HMCN1: variants seen among roughly 807,000 people sequenced by gnomAD.
The protein encoded by HMCN1 is hemicentin-1.
HMCN1 carries 321 observed loss-of-function variants against 625.9 expected under a neutral mutation model. The observed-to-expected ratio is 0.51, with a 90% CI of 0.47 to 0.56. The LOEUF is 0.56. Ranked by LOEUF, HMCN1 falls within the 20% of genes least tolerant of loss-of-function variation. The probability of loss-of-function intolerance (pLI) is 0.00; values close to 1 mark genes in which losing one functional copy is unlikely to be tolerated. For synonymous variants in HMCN1, 2,425 were observed against 2,417.6 expected, an observed-to-expected ratio of 1.00 and a Z score of -0.09; for missense variants, 6,588 against 6,887.3, an observed-to-expected ratio of 0.96 and a Z score of 1.54.
chr1:186,108,467 C>G lies in HMCN1; in HGVS notation c.10859C>G (p.Pro3620Arg). 6.2e-7 allele frequency: 1 copy of G among 1,614,054 alleles called. No homozygotes were observed. Among genetic ancestry groups the G allele is most frequent in the Non-Finnish European group, 8.5e-7 (1 of 1,179,984 alleles). Residue 3620 changes from proline to arginine, a missense_variant, in exon 71 of 107, where the codon CCT becomes CGT. Physicochemically the swap from Pro to Arg is moderately radical, Grantham distance 103 (BLOSUM62 -2). Around this residue, in one of 3 missense-constraint regions of HMCN1, gnomAD observed 4,628 missense variants for 4,853.1 expected, o/e 0.95. Coordinates refer to ENST00000271588, the MANE Select transcript of HMCN1 (RefSeq NM_031935.3). Reference protein sequence around the residue: ...KEYLVRVHVPPNIAGTDEPRD... With the variant: ...KEYLVRVHVPRNIAGTDEPRD... Reference sequence around the variant, plus strand: ...TATTTGTTCTCACACCCAGTACCTCCTAATATTGCTGGAACTGATGAGCCC... The same window carrying G: ...TATTTGTTCTCACACCCAGTACCTCGTAATATTGCTGGAACTGATGAGCCC...
intron 20 of HMCN1, among the ~76,000 whole-genome samples, chr1:185,989,208 C>CTT (rs560394336): frequency 6.6e-6 from 1 of 151,642 alleles, no homozygotes; most frequent in Non-Finnish European, 1.5e-5. Context: ...GGGGTTTCAC[C>CTT]GTGGTCTCGA....
At chr1:185,803,023 A>G (rs1184855832) in intron 1 of HMCN1, among the ~76,000 whole-genome samples, 1 of 152,056 alleles carries the variant, frequency 6.6e-6, no homozygotes, top group Non-Finnish European at 1.5e-5. Context: ...CTCCTACTGC[A>G]TATTTTTTCT....
At position 186,097,469 on chromosome 1, in the gene HMCN1, ATCC is replaced by A. The variant is rs369957651; in HGVS notation, c.10573+1951_10573+1953del. Among the ~76,000 whole-genome samples, 127 of 151,698 alleles carry A rather than the reference ATCC, an allele frequency of 8.4e-4. 4 individuals carry two copies. In the South Asian group the frequency reaches 0.026, roughly 31 times the overall value. On this transcript the variant is annotated intron_variant, in intron 68 of 106. Transcript: ENST00000271588. ...GGTATTCACAGAGGGTCTGGAACCA[ATCC>A]TCTGCAGAGACTGAGGTACAATAGC...
intron 1 of HMCN1, among the ~76,000 whole-genome samples, chr1:185,743,982 G>T (rs1309732086): frequency 1.2e-3 from 108 of 88,120 alleles, no homozygotes; most frequent in East Asian, 8.1e-3. Context: ...TTACTGTTTT[G>T]TTTTTTTTTT....
At chr1:185,933,971 T>G in intron 11 of HMCN1, 147 bp downstream of exon 11, 2 of 764,616 alleles carry the variant, frequency 2.6e-6, no homozygotes, top group South Asian at 1.5e-5. Context: ...ACATACTCAG[T>G]GGTCTACAGC....
intron 4 of HMCN1, among the ~76,000 whole-genome samples, chr1:185,873,063 T>C (rs945072451): frequency 1.3e-5 from 2 of 152,102 alleles, no homozygotes; most frequent in Non-Finnish European, 2.9e-5. Context: ...TACTTAAGGG[T>C]AAACACTAGC....
chr1:185,992,779 T>C (rs765282852), intron 22 of HMCN1, among the ~76,000 whole-genome samples: 11 of 152,178 alleles, frequency 7.2e-5, no homozygotes, highest in Non-Finnish European at 1.3e-4. Flanking sequence ...AGCTGCATTA[T>C]TACTCAATAG....
At chr1:186,114,153 A>AT in intron 73 of HMCN1, 30 bp downstream of exon 73, 1 of 1,612,622 alleles carries the variant, frequency 6.2e-7, no homozygotes, top group Non-Finnish European at 8.5e-7. Context: ...AAAAAATGCT[A>AT]TAAGACCTGA....
At chr1:186,154,304 G>C (rs1188263211) in intron 97 of HMCN1, among the ~76,000 whole-genome samples, 1 of 152,190 alleles carries the variant, frequency 6.6e-6, no homozygotes, top group African/African-American at 2.4e-5. Context: ...CACTTTGGGA[G>C]GCCGAGGCAG....
At position 186,145,454 on chromosome 1, in the gene HMCN1, G is replaced by C; in HGVS notation, c.14318G>C (p.Cys4773Ser). ...GGCTGGGGAACATGCAGCCGGACGT[G>C]TAACGGAGGGCAGATGCGGCGGTAC... ...WSGWGTCSRT[C>S]NGGQMRRYRT... Residue 4773 changes from cysteine to serine, a missense_variant, in exon 92 of 107, where the codon TGT becomes TCT. By Grantham distance (112) the Cys-to-Ser change is moderately radical. Around this residue, in one of 3 missense-constraint regions of HMCN1, gnomAD observed 1,954 missense variants for 2,013.1 expected, o/e 0.97. Transcript: ENST00000271588. 10 of 1,607,134 alleles carry C rather than the reference G, an allele frequency of 6.2e-6. No individual in the cohort carries two copies. Among genetic ancestry groups the C allele is most frequent in the African/African-American group, 1.3e-5 (1 of 74,940 alleles).
chr1:185,917,884 C>A (rs1558063885), intron 6 of HMCN1, among the ~76,000 whole-genome samples: 2 of 152,146 alleles, frequency 1.3e-5, no homozygotes, highest in South Asian at 4.1e-4. Flanking sequence ...TGTCCTTCAG[C>A]CTGTCCTGCT....
intron 70 of HMCN1, 36 bp from the exon 71 acceptor site, chr1:186,108,425 A>G (rs754307947): frequency 6.2e-7 from 1 of 1,614,006 alleles, no homozygotes; most frequent in South Asian, 1.1e-5. Flanking sequence ...CTATGATAAT[A>G]CAGATTGCTT....
intron 2 of HMCN1, among the ~76,000 whole-genome samples, chr1:185,851,765 C>T (rs1441853116): frequency 6.6e-6 from 1 of 151,884 alleles, no homozygotes; most frequent in Non-Finnish European, 1.5e-5. Flanking sequence ...TTTTAAAGAA[C>T]AGAAAGTATA....
intron 2 of HMCN1, among the ~76,000 whole-genome samples, chr1:185,859,627 G>A (rs1255839092): frequency 6.6e-6 from 1 of 151,996 alleles, no homozygotes; most frequent in African/African-American, 2.4e-5. Context: ...TGTTAGTGCA[G>A]AGGTAAAGCA....
At chr1:186,064,178 T>C (rs1657958174) in intron 48 of HMCN1, among the ~76,000 whole-genome samples, 1 of 152,150 alleles carries the variant, frequency 6.6e-6, no homozygotes, top group Admixed American at 6.6e-5. Flanking sequence ...ATTGCCTACA[T>C]TTTATAAAAT....
At chr1:185,894,887 G>T (rs1665398753) in intron 4 of HMCN1, among the ~76,000 whole-genome samples, 1 of 151,958 alleles carries the variant, frequency 6.6e-6, no homozygotes, top group East Asian at 1.9e-4. Context: ...TCCTGACACG[G>T]TAGTTTGGGT....
At chr1:186,152,633 A>G (rs1476598243) in intron 95 of HMCN1, 117 bp from the exon 96 acceptor site, 1 of 1,197,502 alleles carries the variant, frequency 8.4e-7, no homozygotes, top group South Asian at 1.2e-5. Context: ...CATCATCTAT[A>G]CTTATTCAAG....
Position 186,137,896 on chromosome 1 carries a change from A to G in HMCN1, c.13848A>G (p.Pro4616=), listed in dbSNP as rs146925429. ...CCAGGACCAGGACTTGCAATAATCC[A>G]TCAGTTCAGCATGGTGGGCGGCCAT... is the stretch of plus-strand genomic sequence containing the variant. ...NQTRTRTCNN[P]SVQHGGRPCE... Residue 4616 remains proline, a synonymous_variant, in exon 89 of 107, where the codon CCA becomes CCG. Coordinates refer to ENST00000271588, the MANE Select transcript of HMCN1 (RefSeq NM_031935.3). The G allele has an allele frequency of 1.8e-5, 29 of 1,614,018 alleles. No homozygotes were observed. Among genetic ancestry groups the G allele is most frequent in the Non-Finnish European group, 2.5e-5 (29 of 1,179,992 alleles).
intron 4 of HMCN1, among the ~76,000 whole-genome samples, chr1:185,897,185 T>A (rs1665538652): frequency 6.6e-6 from 1 of 152,204 alleles, no homozygotes. Flanking sequence ...TCCACTGTCA[T>A]TGTTTCTTTA....
Sources: allele counts gnomAD v4.1 joint callset (sites outside exome capture counted in the v4.1 genomes callset), GRCh38; gene constraint gnomAD v4.1.1; regional missense constraint gnomAD v4.1.1; transcripts MANE v1.5; gene names NCBI Gene and HGNC (gene_info 2026-07-23, HGNC 2026-07-21).